The following ATP6V0D1 variants were observed in gnomAD, a reference collection of about 807,000 sequenced individuals.
ATP6V0D1 encodes V-type proton ATPase subunit d 1.
A neutral mutation model predicts 39.0 loss-of-function variants in ATP6V0D1; 13 were observed. The observed-to-expected ratio is 0.33, with a 90% CI of 0.22 to 0.53. The LOEUF is 0.53. Ranked by LOEUF, ATP6V0D1 falls within the 20% of genes least tolerant of loss-of-function variation. ATP6V0D1 has a pLI of 0.94. For missense variants in ATP6V0D1, 272 were observed against 470.9 expected, an observed-to-expected ratio of 0.58 and a Z score of 3.91; for synonymous variants, 191 against 191.2, an observed-to-expected ratio of 1.00 and a Z score of 0.01.
rs771565849 is a variant in ATP6V0D1 at position 67,444,517 on chromosome 16, C to T, written c.481+11G>A. The T allele has an allele frequency of 1.3e-6, 2 of 1,585,696 alleles. No homozygotes were observed. Among genetic ancestry groups the T allele is most frequent in the East Asian group, 2.3e-5 (1 of 44,064 alleles). On this transcript the variant is annotated intron_variant, in intron 3 of 7. Coordinates refer to ENST00000290949, the MANE Select transcript of ATP6V0D1 (RefSeq NM_004691.5). This position sits in a 1 kb window ranked among gnomAD's most constrained non-coding sequence, Gnocchi z 4.8. ...CACTGCCCACCTCCCATGACCACCACAGCGGCTCACCAAGAGGCGTGTCCA... is the reference window on the plus strand; with the variant it reads ...CACTGCCCACCTCCCATGACCACCATAGCGGCTCACCAAGAGGCGTGTCCA...
intron 1 of ATP6V0D1, among the ~76,000 whole-genome samples, chr16:67,480,671 C>T (rs1365288056): frequency 6.6e-6 from 1 of 152,078 alleles, no homozygotes; most frequent in Non-Finnish European, 1.5e-5. Context: ...ACCAACTACC[C>T]CCGAAACACC....
At chr16:67,452,981 G>A (rs1463546271) in intron 2 of ATP6V0D1, among the ~76,000 whole-genome samples, 1 of 152,170 alleles carries the variant, frequency 6.6e-6, no homozygotes, top group Non-Finnish European at 1.5e-5. Context: ...ACTGAGAAAG[G>A]CAGCTAGACG....
intron 1 of ATP6V0D1, among the ~76,000 whole-genome samples, chr16:67,461,688 C>T (rs1442389946): frequency 6.6e-6 from 1 of 152,192 alleles, no homozygotes; most frequent in Admixed American, 6.5e-5. Context: ...TTGTTTCATG[C>T]TAGAGGTTTT....
intron 4 of ATP6V0D1, chr16:67,441,671 C>T (rs2041053638): frequency 6.6e-6 from 1 of 152,270 alleles, no homozygotes. Flanking sequence ...CAAGCTGAGC[C>T]AGGTGTGATC....
chr16:67,445,773 G>C (rs2142303427), intron 2 of ATP6V0D1: 1 of 378,646 alleles, frequency 2.6e-6, no homozygotes, highest in Admixed American at 3.0e-5. Context: ...CCTCCAACCA[G>C]CTACAAAGGG....
At chr16:67,473,050 A>C (rs2041386813) in intron 1 of ATP6V0D1, among the ~76,000 whole-genome samples, 1 of 152,092 alleles carries the variant, frequency 6.6e-6, no homozygotes, top group African/African-American at 2.4e-5. Flanking sequence ...GAACCAGCCC[A>C]ATGCATCTAT....
intron 1 of ATP6V0D1, among the ~76,000 whole-genome samples, chr16:67,462,359 C>T (rs2041295233): frequency 6.6e-6 from 1 of 152,250 alleles, no homozygotes; most frequent in South Asian, 2.1e-4. Flanking sequence ...GGTTTGCCAC[C>T]ACGGTTATAG....
intron 2 of ATP6V0D1, chr16:67,452,091 C>T: frequency 8.8e-7 from 1 of 1,137,620 alleles, no homozygotes; most frequent in Non-Finnish European, 1.2e-6. Context: ...CTGGTATGTC[C>T]TCAGCTCTGG....
chr16:67,479,434 C>T (rs2041444707), intron 1 of ATP6V0D1, among the ~76,000 whole-genome samples: 1 of 152,022 alleles, frequency 6.6e-6, no homozygotes, highest in Admixed American at 6.6e-5. Flanking sequence ...AGGCTGGTCT[C>T]GAACTCCTGC....
Position 67,439,301 on chromosome 16 carries a change from C to T in ATP6V0D1, c.612G>A (p.Thr204=), listed in dbSNP as rs367931719. The T allele has an allele frequency of 6.8e-6, 11 of 1,614,002 alleles. No homozygotes were observed. Among genetic ancestry groups the T allele is most frequent in the African/African-American group, 4.0e-5 (3 of 74,940 alleles). Residue 204 remains threonine, a synonymous_variant, in exon 5 of 8, where the codon ACG becomes ACA. Transcript: ENST00000290949. ...CCAGGATGGGGCACATGGCATCAGC[C>T]GTAGTCCCGCCCAGTAGGGTGCAGA... ...YKFCTLLGGT[T]ADAMCPILEF...
At chr16:67,474,076 GTCAC>G (rs952108354) in intron 1 of ATP6V0D1, among the ~76,000 whole-genome samples, 3 of 152,084 alleles carry the variant, frequency 2.0e-5, no homozygotes, top group African/African-American at 7.2e-5. Flanking sequence ...TGTTTTGATG[GTCAC>G]TCAGTCTGCC....
At chr16:67,448,035 G>A (rs1485671780) in intron 2 of ATP6V0D1, among the ~76,000 whole-genome samples, 1 of 152,160 alleles carries the variant, frequency 6.6e-6, no homozygotes, top group African/African-American at 2.4e-5. Flanking sequence ...CACCTCTCGA[G>A]ACTTAGTTTC....
chr16:67,457,784 T>G (rs2041252908), intron 1 of ATP6V0D1: 2 of 506,004 alleles, frequency 4.0e-6, no homozygotes, highest in Non-Finnish European at 7.0e-6. Flanking sequence ...GCTGCTGCAT[T>G]CTGCTGACAC....
At chr16:67,479,138 T>A (rs13331409) in intron 1 of ATP6V0D1, among the ~76,000 whole-genome samples, 11,691 of 151,776 alleles carry the variant, frequency 0.077, 1,484 homozygotes, top group African/African-American at 0.27. Flanking sequence ...CCACCTCCAC[T>A]CACATAAGTA....
chr16:67,480,028 T>C (rs2041453219), intron 1 of ATP6V0D1, among the ~76,000 whole-genome samples: 1 of 118,666 alleles, frequency 8.4e-6, no homozygotes. Context: ...TGAAACCCCG[T>C]CTCTACTAAA....
chr16:67,438,931 C>G (rs751441842), intron 6 of ATP6V0D1, 40 bp downstream of exon 6: 2 of 1,613,436 alleles, frequency 1.2e-6, no homozygotes, highest in Admixed American at 1.7e-5. Flanking sequence ...TGCTTGGTGA[C>G]AACACATCCA....
At chr16:67,463,865 C>A (rs535174990) in intron 1 of ATP6V0D1, among the ~76,000 whole-genome samples, 17 of 152,326 alleles carry the variant, frequency 1.1e-4, no homozygotes, top group Admixed American at 3.9e-4. Context: ...TGCTGTGGAC[C>A]TGGGCTGGCC....
At chr16:67,449,699 T>C (rs1469970027) in intron 2 of ATP6V0D1, among the ~76,000 whole-genome samples, 2 of 152,242 alleles carry the variant, frequency 1.3e-5, no homozygotes, top group African/African-American at 4.8e-5. Flanking sequence ...AAGCCACCTG[T>C]GACCCCCAGT....
rs368251428 is a variant in ATP6V0D1, at chr16:67,481,014, C to A, written c.73G>T (p.Ala25Ser). Residue 25 changes from alanine to serine, a missense_variant, in exon 1 of 8, where the codon GCC (alanine) becomes TCC (serine). By Grantham distance (99) the Ala-to-Ser change is moderately conservative. Around this residue, in one of 4 missense-constraint regions of ATP6V0D1, gnomAD observed 81 missense variants for 96.0 expected, o/e 0.84. Transcript: ENST00000290949. ...TAGTCGGCCTGGCTGAGCACCCCGG[C>A]CTTCAGGCCGCGCACCAGTCCCTCC... ...YLEGLVRGLK[A>S]GVLSQADYLN... 2 of 1,614,088 alleles carry A rather than the reference C, an allele frequency of 1.2e-6. No homozygotes were observed. The highest frequency in any genetic ancestry group is 3.3e-5 in the Admixed American group (2 of 60,014).
Sources: gnomAD v4.1 joint callset for allele counts (sites outside exome capture counted in the v4.1 genomes callset) on GRCh38, gnomAD v4.1.1 for gene constraint, gnomAD v4.1.1 regional missense constraint, Gnocchi (gnomAD v3.1) non-coding constraint, MANE v1.5 for transcripts, NCBI Gene and HGNC (gene_info 2026-07-23, HGNC 2026-07-21) for gene names.